The following RREB1 variants were observed in gnomAD, a reference collection of about 807,000 sequenced individuals.
RREB1 encodes ras-responsive element-binding protein 1.
In RREB1, 27 loss-of-function variants were observed where a neutral mutation model predicts 117.8. The observed-to-expected ratio is 0.23, with a 90% CI of 0.17 to 0.32. The LOEUF (loss-of-function observed/expected upper bound fraction) is 0.32, where lower values mean the gene tolerates loss of function less well. Among genes scored for constraint, RREB1 ranks in the 10% least tolerant of loss-of-function variants. The pLI, the probability that RREB1 is intolerant of heterozygous loss-of-function variation, is 1.00. For synonymous variants in RREB1, 1,298 were observed against 1,026.7 expected, an observed-to-expected ratio of 1.26 and a Z score of -5.05; for missense variants, 2,577 against 2,378.2, an observed-to-expected ratio of 1.08 and a Z score of -1.74.
intron 11 of RREB1, among the ~76,000 whole-genome samples, chr6:7,244,853 C>T (rs569964770): frequency 6.6e-6 from 1 of 152,318 alleles, no homozygotes; most frequent in East Asian, 1.9e-4. Context: ...CTCCTTACCC[C>T]AGCCCTCCTG....
chr6:7,218,621 C>G (rs906700723), intron 8 of RREB1: 4 of 152,118 alleles, frequency 2.6e-5, no homozygotes. Flanking sequence ...ATTGCAGATT[C>G]CCTTTTCAGG....
At chr6:7,146,910 C>A (rs1343548257) in intron 1 of RREB1, among the ~76,000 whole-genome samples, 1 of 152,116 alleles carries the variant, frequency 6.6e-6, no homozygotes, top group African/African-American at 2.4e-5. Context: ...ATTGTCATGG[C>A]AGAAGAAACA....
At chr6:7,160,188 A>C (rs1763580454) in intron 1 of RREB1, among the ~76,000 whole-genome samples, 1 of 151,944 alleles carries the variant, frequency 6.6e-6, no homozygotes, top group South Asian at 2.1e-4. Flanking sequence ...CAGTGGTACA[A>C]TTATAGCTCA....
chr6:7,202,243 G>T (rs528690178), intron 6 of RREB1, among the ~76,000 whole-genome samples: 3 of 152,274 alleles, frequency 2.0e-5, no homozygotes, highest in Non-Finnish European at 4.4e-5. Flanking sequence ...GGCCCCACCC[G>T]TGCATTTCTT....
At chr6:7,240,342 C>A in intron 10 of RREB1, 96 bp from the exon 11 acceptor site, 1 of 905,460 alleles carries the variant, frequency 1.1e-6, no homozygotes, top group South Asian at 2.3e-5. Context: ...GAGGGGGGAA[C>A]AACTGCCAAT....
At chr6:7,183,408 G>GC (rs1455706318) in intron 4 of RREB1, 1 of 152,236 alleles carries the variant, frequency 6.6e-6, no homozygotes, top group African/African-American at 2.4e-5. Flanking sequence ...CCTATATCCA[G>GC]CTAGCTACTG....
In RREB1 at chr6:7,246,957, A is replaced by C; in HGVS notation, c.4507A>C (p.Thr1503Pro). The part of the protein sequence containing the change: ...APEQEEKPPE[T>P]PAEVVESAPG... ...TGAACAGGAGGAGAAGCCCCCCGAG[A>C]CCCCGGCAGAGGTGGTGGAGTCGGC... Residue 1503 changes from threonine (T) to proline (P), a missense_variant, in exon 12 of 13, where the codon ACC becomes CCC. Coordinates refer to ENST00000379938, the MANE Select transcript of RREB1 (RefSeq NM_001003699.4). 6.4e-7 allele frequency: 1 copy of C among 1,565,540 alleles called. No homozygotes were observed. The highest frequency in any genetic ancestry group is 8.6e-7 in the Non-Finnish European group (1 of 1,156,772).
rs1269767276 is a variant in RREB1, at chr6:7,251,951, A to C, written c.*2983A>C. Reference sequence around the variant, plus strand: ...AAGCTGTTCTGTATCAAACCATTTAAGCAATAAATGTTATATTTTAAAAGC... The same window carrying C: ...AAGCTGTTCTGTATCAAACCATTTACGCAATAAATGTTATATTTTAAAAGC... On this transcript the variant is annotated 3_prime_UTR_variant, in exon 13 of 13. Coordinates refer to ENST00000379938, the MANE Select transcript of RREB1 (RefSeq NM_001003699.4). 1 of 152,220 alleles carries C rather than the reference A, an allele frequency of 6.6e-6. No individual in the cohort carries two copies. The highest frequency in any genetic ancestry group is 1.5e-5 in the Non-Finnish European group (1 of 68,036). The allele number at this position is 152,220 out of a possible 1,614,324, so 9.4% of individuals were successfully genotyped here.
At chr6:7,133,638 C>T (rs761409561) in intron 1 of RREB1, among the ~76,000 whole-genome samples, 2 of 151,988 alleles carry the variant, frequency 1.3e-5, no homozygotes, top group Non-Finnish European at 2.9e-5. Flanking sequence ...ACAAGTTATC[C>T]TAAATTAAGA....
intron 8 of RREB1, among the ~76,000 whole-genome samples, chr6:7,223,623 A>G (rs914581804): frequency 1.3e-5 from 2 of 151,786 alleles, no homozygotes; most frequent in Admixed American, 1.3e-4. Context: ...AAAAAAATAT[A>G]TTTTTTATCT....
intron 1 of RREB1, among the ~76,000 whole-genome samples, chr6:7,143,851 C>CTTTT (rs11365387): frequency 5.6e-5 from 5 of 89,356 alleles, no homozygotes; most frequent in East Asian, 3.5e-4. Flanking sequence ...TTTTTTCTTT[C>CTTTT]TTTTTTTTTT....
intron 1 of RREB1, among the ~76,000 whole-genome samples, chr6:7,144,742 G>A (rs1762783305): frequency 6.6e-6 from 1 of 151,802 alleles, no homozygotes; most frequent in Non-Finnish European, 1.5e-5. Flanking sequence ...CTGCTTTTAG[G>A]CCTTGCTTCT....
At chr6:7,161,796 T>C (rs1261711180) in intron 1 of RREB1, among the ~76,000 whole-genome samples, 1 of 152,218 alleles carries the variant, frequency 6.6e-6, no homozygotes, top group Non-Finnish European at 1.5e-5. Context: ...TGGTTCCTTC[T>C]CTACAGCATT....
chr6:7,161,019 T>TA (rs1201693965), intron 1 of RREB1, among the ~76,000 whole-genome samples: 1 of 152,096 alleles, frequency 6.6e-6, no homozygotes, highest in African/African-American at 2.4e-5. Flanking sequence ...TTTGTCTAGA[T>TA]AGAGTTTCGC....
rs554103574 is a variant in RREB1 at position 7,242,650 on chromosome 6, C to G, written c.3973+2048C>G. Reference sequence around the variant, plus strand: ...AAGCCTTCATTCTGGGTTCCCCCCCCCCAGTGAAGTTTAAAAAGTGAGGCT... The same window carrying G: ...AAGCCTTCATTCTGGGTTCCCCCCCGCCAGTGAAGTTTAAAAAGTGAGGCT... On this transcript the variant is annotated intron_variant, in intron 11 of 12. Transcript: ENST00000379938. 7.3e-5 allele frequency among the ~76,000 whole-genome samples: 11 copies of G among 150,126 alleles called. 1 individual carries two copies. The highest frequency in any genetic ancestry group is 1.5e-4 in the African/African-American group (6 of 40,678).
intron 2 of RREB1, among the ~76,000 whole-genome samples, chr6:7,177,959 G>A (rs1363514805): frequency 6.6e-6 from 1 of 152,194 alleles, no homozygotes; most frequent in Non-Finnish European, 1.5e-5. Context: ...CTGACCTTAG[G>A]TGATCTGCCT....
rs140766774 is a variant in RREB1 at position 7,220,597 on chromosome 6, T to C, written c.708-5870T>C. Among the ~76,000 whole-genome samples the C allele has an allele frequency of 3.8e-3, 585 of 152,362 alleles. 4 individuals are homozygous for C. The highest frequency in any genetic ancestry group is 0.013 in the African/African-American group (547 of 41,584). On this transcript the variant is annotated intron_variant, in intron 8 of 12. Coordinates refer to ENST00000379938, the MANE Select transcript of RREB1 (RefSeq NM_001003699.4). ...AGTTAGTTTCCATTTGGAAAAGTTATCCTGTTTCCAACATCGAGTTATCTC... is the reference window on the plus strand; with the variant it reads ...AGTTAGTTTCCATTTGGAAAAGTTACCCTGTTTCCAACATCGAGTTATCTC...
intron 1 of RREB1, among the ~76,000 whole-genome samples, chr6:7,146,211 C>T (rs548344756): frequency 6.6e-6 from 1 of 152,314 alleles, no homozygotes; most frequent in South Asian, 2.1e-4. Context: ...AAGCAGGCAG[C>T]GGCTGTGGGC....
At chr6:7,113,851 T>C (rs1170129652) in intron 1 of RREB1, among the ~76,000 whole-genome samples, 1 of 152,218 alleles carries the variant, frequency 6.6e-6, no homozygotes, top group African/African-American at 2.4e-5. Context: ...TGTGATGACA[T>C]GTATCTTTTT....
Sources: allele counts gnomAD v4.1 joint callset (sites outside exome capture counted in the v4.1 genomes callset), GRCh38; gene constraint gnomAD v4.1.1; transcripts MANE v1.5; gene names NCBI Gene and HGNC (gene_info 2026-07-23, HGNC 2026-07-21).